The following TLK1 variants were observed in gnomAD, a reference collection of about 807,000 sequenced individuals.
The protein encoded by TLK1 is tousled like kinase 1, also known as serine/threonine-protein kinase tousled-like 1.
A neutral mutation model predicts 105.3 loss-of-function variants in TLK1; 24 were observed. The observed-to-expected ratio is 0.23, with a 90% CI of 0.17 to 0.32. TLK1 has a LOEUF of 0.32. Among genes scored for constraint, TLK1 ranks in the 10% least tolerant of loss-of-function variants. The pLI is 1.00. For missense variants in TLK1, 558 were observed against 910.5 expected (o/e 0.61, Z 4.98); for synonymous variants, 321 against 310.4 (o/e 1.03, Z -0.36).
At chr2:171,099,273 A>C (rs1689587848) in intron 2 of TLK1, among the ~76,000 whole-genome samples, 2 of 152,202 alleles carry the variant, frequency 1.3e-5, no homozygotes, top group Non-Finnish European at 2.9e-5. Flanking sequence ...CTATCAAAAA[A>C]ATAAAATACT....
chr2:171,049,704 G>A lies in TLK1; in HGVS notation c.980+110C>T. ...CCCTTTCAAAGGTACTAAATTCTAT[G>A]ATTTCAGAGTAGCGAGGAACTGGAG... On this transcript the variant is annotated intron_variant, in intron 10 of 20. Coordinates refer to ENST00000431350, the MANE Select transcript of TLK1 (RefSeq NM_012290.5). The A allele has an allele frequency of 2.3e-6, 3 of 1,331,706 alleles. No homozygotes were observed. In the East Asian group the frequency reaches 7.3e-5, roughly 32 times the overall value. The allele number at this position is 1,331,706 out of a possible 1,614,324, so 82.5% of individuals were successfully genotyped here. A position where few individuals can be genotyped will look rare whatever the true frequency, so the allele number is the denominator to read the frequency against.
At chr2:171,138,307 A>G (rs1295774446) in intron 1 of TLK1, among the ~76,000 whole-genome samples, 1 of 152,232 alleles carries the variant, frequency 6.6e-6, no homozygotes, top group African/African-American at 2.4e-5. Context: ...TTACAACGAC[A>G]TATTTAATAT....
intron 2 of TLK1, 49 bp downstream of exon 2, chr2:171,117,690 C>A: frequency 7.0e-7 from 1 of 1,426,822 alleles, no homozygotes; most frequent in Non-Finnish European, 9.8e-7. Context: ...TATTTTAGAT[C>A]ATTTAATAGA....
chr2:171,018,382 T>C (rs74607383), intron 12 of TLK1, among the ~76,000 whole-genome samples: 3,702 of 152,364 alleles, frequency 0.024, 60 homozygotes, highest in Middle Eastern at 0.041. Flanking sequence ...AGATAAATGC[T>C]AGGGCAATAC....
intron 11 of TLK1, among the ~76,000 whole-genome samples, chr2:171,041,320 CA>C (rs1167450245): frequency 6.6e-6 from 1 of 152,198 alleles, no homozygotes; most frequent in Non-Finnish European, 1.5e-5. Context: ...AATGGAGATT[CA>C]AAGAAGTAAA....
At chr2:171,130,486 A>T (rs76556035) in intron 1 of TLK1, among the ~76,000 whole-genome samples, 1,670 of 152,130 alleles carry the variant, frequency 0.011, 31 homozygotes, top group African/African-American at 0.038. Flanking sequence ...AGGTGAGTTA[A>T]ATGAGATAAT....
chr2:171,148,485 AAAC>A (rs1306934125), intron 1 of TLK1, among the ~76,000 whole-genome samples: 1 of 152,034 alleles, frequency 6.6e-6, no homozygotes, highest in Non-Finnish European at 1.5e-5. Context: ...GCGAGACAAA[AAAC>A]AAGCTAATAT....
At chr2:171,101,888 A>G (rs948765618) in intron 2 of TLK1, among the ~76,000 whole-genome samples, 1 of 152,206 alleles carries the variant, frequency 6.6e-6, no homozygotes, top group Non-Finnish European at 1.5e-5. Flanking sequence ...ACAGAAAGAT[A>G]ATTTCTCCTT....
At chr2:171,127,219 G>C (rs1289705786) in intron 1 of TLK1, among the ~76,000 whole-genome samples, 1 of 150,120 alleles carries the variant, frequency 6.7e-6, no homozygotes, top group Non-Finnish European at 1.5e-5. Flanking sequence ...GGAGGTTGCA[G>C]TGAGCTGAGA....
intron 1 of TLK1, among the ~76,000 whole-genome samples, chr2:171,170,729 C>A (rs1358026025): frequency 6.6e-6 from 1 of 152,210 alleles, no homozygotes; most frequent in East Asian, 1.9e-4. Flanking sequence ...GAGAAATAAA[C>A]CTACGTTGTT....
At chr2:171,213,899 A>AAT (rs1553490274) in intron 1 of TLK1, among the ~76,000 whole-genome samples, 3 of 145,722 alleles carry the variant, frequency 2.1e-5, no homozygotes, top group African/African-American at 7.5e-5. Context: ...TTTAAAAAAA[A>AAT]TTTTTTTTTT....
chr2:170,995,741 C>T (rs61233426), intron 20 of TLK1, among the ~76,000 whole-genome samples: 5,572 of 152,206 alleles, frequency 0.037, 406 homozygotes, highest in East Asian at 0.3. Context: ...CTTGCTATGT[C>T]GCCCATGCAG....
At chr2:171,196,076 G>A (rs1693268957) in intron 1 of TLK1, among the ~76,000 whole-genome samples, 2 of 147,766 alleles carry the variant, frequency 1.4e-5, no homozygotes, top group African/African-American at 2.5e-5. Context: ...AGGAAGGAAG[G>A]AAGGAGGAAA....
chr2:171,065,527 A>T (rs1043641383), intron 3 of TLK1, among the ~76,000 whole-genome samples: 4 of 141,672 alleles, frequency 2.8e-5, no homozygotes, highest in Non-Finnish European at 6.0e-5. Context: ...CTGCAACTTC[A>T]CTGGCTATTC....
chr2:171,058,941 C>T (rs1687624353), intron 4 of TLK1, among the ~76,000 whole-genome samples: 1 of 152,118 alleles, frequency 6.6e-6, no homozygotes, highest in Non-Finnish European at 1.5e-5. Flanking sequence ...TAATTCAATG[C>T]TGACTTATTT....
intron 3 of TLK1, chr2:171,066,995 C>A: frequency 6.6e-7 from 1 of 1,513,280 alleles, no homozygotes; most frequent in South Asian, 1.3e-5. Flanking sequence ...GAGCTGTGGT[C>A]TCACAACTTT....
chr2:171,007,691 G>C lies in TLK1; in HGVS notation c.1417-628C>G, dbSNP rs532341534. The stretch of plus-strand genomic sequence containing the variant: ...CCTTGCATCCCACCCTTCCCAACCA[G>C]AGTATTATTAAAACAAATACATTAT... On this transcript the variant is annotated intron_variant, in intron 14 of 20. Transcript: ENST00000431350. 5.3e-5 allele frequency among the ~76,000 whole-genome samples: 8 copies of C among 151,914 alleles called. No homozygotes were observed. In the South Asian group the frequency reaches 1.5e-3, roughly 28 times the overall value.
At chr2:171,110,441 T>C (rs959459115) in intron 2 of TLK1, among the ~76,000 whole-genome samples, 4 of 152,140 alleles carry the variant, frequency 2.6e-5, no homozygotes, top group African/African-American at 7.2e-5. Flanking sequence ...TGCACTCCAG[T>C]TGGGCGACAG....
At chr2:171,102,896 C>T (rs2105507623) in intron 2 of TLK1, among the ~76,000 whole-genome samples, 1 of 151,966 alleles carries the variant, frequency 6.6e-6, no homozygotes. Flanking sequence ...AGAATATAAA[C>T]AAACACATAA....
Sources: gnomAD v4.1 joint callset for allele counts (sites outside exome capture counted in the v4.1 genomes callset) on GRCh38, gnomAD v4.1.1 for gene constraint, MANE v1.5 for transcripts, NCBI Gene and HGNC (gene_info 2026-07-23, HGNC 2026-07-21) for gene names.